Variants in TICRR observed in about 807,000 individuals in gnomAD.
TICRR encodes treslin.
TICRR carries 132 observed loss-of-function variants against 178.1 expected under a neutral mutation model. That is an observed-to-expected ratio of 0.74 (90% CI 0.64 to 0.86). The LOEUF is 0.86. TICRR is among the 40% of genes least tolerant of loss of function. The pLI is 0.00. For missense variants in TICRR, 2,587 were observed against 2,334.3 expected (o/e 1.11, Z -2.23); for synonymous variants, 991 against 900.7 (o/e 1.10, Z -1.79).
Position 89,624,500 on chromosome 15 carries a change from A to AGT in TICRR, c.4193_4194dup (p.Gln1399ValfsTer30), listed in dbSNP as rs1440759276. 1 of 1,614,120 alleles carries AGT rather than the reference A, an allele frequency of 6.2e-7. No homozygotes were observed. The highest frequency in any genetic ancestry group is 1.7e-5 in the Admixed American group (1 of 60,026). On this transcript the variant is annotated frameshift_variant, in exon 20 of 22. Transcript: ENST00000268138. LOFTEE classifies it high-confidence loss of function. ...TCTGATCCCAGAAGGAGCATCGTGG[A>AGT]GTGTCAGCCTGATGCCTCCGCTACT...
intron 3 of TICRR, among the ~76,000 whole-genome samples, chr15:89,585,496 A>G (rs1962805021): frequency 6.6e-6 from 1 of 152,152 alleles, no homozygotes; most frequent in African/African-American, 2.4e-5. Context: ...TATTCCTGGT[A>G]ATGTCAGGTT....
intron 9 of TICRR, 30 bp downstream of exon 9, chr15:89,600,715 TCACTC>T (rs756646372): frequency 9.0e-7 from 1 of 1,106,458 alleles, no homozygotes; most frequent in Admixed American, 2.1e-5. Context: ...TAAAAAATCA[TCACTC>T]TAAAAGCTGT....
At chr15:89,594,737 ATCTG>A (rs1249160430) in intron 6 of TICRR, among the ~76,000 whole-genome samples, 183 bp downstream of exon 6, 1 of 152,240 alleles carries the variant, frequency 6.6e-6, no homozygotes, top group East Asian at 1.9e-4. Flanking sequence ...AACCAGTCTT[ATCTG>A]TCTAATGAAT....
Position 89,625,409 on chromosome 15 carries a change from C to G in TICRR, c.5099C>G (p.Ser1700Cys). ...RAVGCGAGSS[S>C]GRGEVGADLP... The stretch of plus-strand genomic sequence containing the variant: ...GTGGGCTGTGGCGCCGGCTCCTCTT[C>G]CGGGAGGGGCGAGGTCGGTGCAGAC... Residue 1700 changes from serine to cysteine, a missense_variant, in exon 20 of 22, where the codon TCC becomes TGC. Transcript: ENST00000268138. The G allele has an allele frequency of 6.2e-7, 1 of 1,613,988 alleles. No homozygotes were observed. Among genetic ancestry groups the G allele is most frequent in the Non-Finnish European group, 8.5e-7 (1 of 1,179,996 alleles).
At chr15:89,586,932 C>CA (rs1344402445) in intron 4 of TICRR, among the ~76,000 whole-genome samples, 1 of 152,160 alleles carries the variant, frequency 6.6e-6, no homozygotes, top group African/African-American at 2.4e-5. Flanking sequence ...TCTGCAGTGA[C>CA]ACCATCTGAC....
intron 5 of TICRR, among the ~76,000 whole-genome samples, chr15:89,592,377 AC>A (rs1364807690): frequency 6.6e-6 from 1 of 152,162 alleles, no homozygotes; most frequent in Non-Finnish European, 1.5e-5. Flanking sequence ...ATAAATATAT[AC>A]CTGCCAAAAA....
Position 89,627,040 on chromosome 15 carries a change from C to G in TICRR, c.5687C>G (p.Thr1896Ser). 6.2e-7 allele frequency: 1 copy of G among 1,614,170 alleles called. No homozygotes were observed. Among genetic ancestry groups the G allele is most frequent in the South Asian group, 1.1e-5 (1 of 91,076 alleles). ...AFSRRRPISR[T>S]YTRKKLMGTW... ...TCCAGGAGGCGCCCCATCAGCAGAACTTATACACGGAAGAAGCTCATGGGA... is the reference window on the plus strand; with the variant it reads ...TCCAGGAGGCGCCCCATCAGCAGAAGTTATACACGGAAGAAGCTCATGGGA... The change falls in exon 22 of 22, where the codon ACT (threonine) becomes AGT (serine). Residue 1896 changes from threonine (T) to serine (S), a missense_variant. Thr to Ser is a moderately conservative substitution (Grantham distance 58, BLOSUM62 1). Coordinates refer to ENST00000268138, the MANE Select transcript of TICRR (RefSeq NM_152259.4).
At chr15:89,608,023 C>T (rs900464019) in intron 14 of TICRR, among the ~76,000 whole-genome samples, 4 of 152,096 alleles carry the variant, frequency 2.6e-5, no homozygotes, top group Non-Finnish European at 5.9e-5. Flanking sequence ...GAGCTGAATA[C>T]ACAGCAGCAA....
At chr15:89,610,572 C>T (rs1963241547) in intron 15 of TICRR, among the ~76,000 whole-genome samples, 1 of 152,144 alleles carries the variant, frequency 6.6e-6, no homozygotes, top group Admixed American at 6.5e-5. Context: ...CTTTTACTTT[C>T]AACCTTAGTG....
chr15:89,595,609 A>C lies in TICRR; in HGVS notation c.1898A>C (p.Lys633Thr). The change falls in exon 7 of 22, where the codon AAA (lysine) becomes ACA (threonine). Residue 633 changes from lysine (K) to threonine (T), a missense_variant and splice_region_variant. Coordinates refer to ENST00000268138, the MANE Select transcript of TICRR (RefSeq NM_152259.4). ...RGRTLRSSKP[K>T]DFKTEEELLS... ...AGAACACTAAGAAGTTCTAAACCTA[A>C]AGGTATTCCTCTTAGTCTATAATTT... The C allele has an allele frequency of 1.2e-6, 2 of 1,611,452 alleles. No individual in the cohort carries two copies. Among genetic ancestry groups the C allele is most frequent in the Admixed American group, 3.3e-5 (2 of 59,980 alleles).
rs757591715 is a variant in TICRR, at chr15:89,625,257, C to A, written c.4947C>A (p.Pro1649=). 1.2e-6 allele frequency: 2 copies of A among 1,613,080 alleles called. No homozygotes were observed. The highest frequency in any genetic ancestry group is 1.7e-6 in the Non-Finnish European group (2 of 1,179,128). Residue 1649 remains proline (P), a synonymous_variant, in exon 20 of 22, where the codon CCC becomes CCA. Transcript: ENST00000268138. The stretch of plus-strand genomic sequence containing the variant: ...CCTACATCTGCCAGGCCTGTACCCC[C>A]ACCCACGGCCCTTCTAGTACCCCCT... ...GQTYICQACT[P]THGPSSTPSP...
At position 89,575,872 on chromosome 15, in the gene TICRR, A is replaced by G. The variant is rs763446614; in HGVS notation, c.286A>G (p.Arg96Gly). 5 of 1,585,986 alleles carry G rather than the reference A, an allele frequency of 3.2e-6. No individual in the cohort carries two copies. The highest frequency in any genetic ancestry group is 1.8e-5 in the Admixed American group (1 of 56,612). Residue 96 changes from arginine to glycine, a missense_variant, in exon 1 of 22, where the codon AGG becomes GGG. By Grantham distance (125) the Arg-to-Gly change is moderately radical. Transcript: ENST00000268138. ...DRAHLPGPAP[R>G]ATHTHGALME... is the part of the protein sequence containing the mutation. Reference sequence around the variant, plus strand: ...CGCCCACCTGCCCGGCCCGGCGCCCAGGGCCACCCACACGCACGGCGCCCT... The same window carrying G: ...CGCCCACCTGCCCGGCCCGGCGCCCGGGGCCACCCACACGCACGGCGCCCT...
chr15:89,582,987 G>GTTT (rs76779258), intron 2 of TICRR, 22 bp downstream of exon 2: 5 of 1,229,104 alleles, frequency 4.1e-6, no homozygotes, highest in Admixed American at 2.5e-5. Context: ...ATATTTTAAG[G>GTTT]TTTTTTTTTT....
chr15:89,584,258 T>C (rs753601495), intron 2 of TICRR, 28 bp from the exon 3 acceptor site: 1 of 1,555,000 alleles, frequency 6.4e-7, no homozygotes, highest in Non-Finnish European at 8.7e-7. Context: ...TAATTTGGCA[T>C]CCTGGTCTAA....
intron 15 of TICRR, among the ~76,000 whole-genome samples, chr15:89,609,394 A>G (rs2141971205): frequency 6.6e-6 from 1 of 151,918 alleles, no homozygotes; most frequent in Non-Finnish European, 1.5e-5. Context: ...GATTATAGGC[A>G]TGAGCCACCA....
intron 7 of TICRR, 94 bp from the exon 8 acceptor site, chr15:89,599,230 G>A (rs1483389476): frequency 3.6e-6 from 3 of 833,890 alleles, no homozygotes; most frequent in Non-Finnish European, 5.0e-6. Flanking sequence ...TTCCCTGCAA[G>A]GAAATATTTT....
At chr15:89,597,801 A>G (rs1239292700) in intron 7 of TICRR, among the ~76,000 whole-genome samples, 2 of 152,226 alleles carry the variant, frequency 1.3e-5, no homozygotes, top group Non-Finnish European at 2.9e-5. Flanking sequence ...GGGATCACAT[A>G]GAATCTATAG....
rs1348542700 is a variant in TICRR at position 89,626,991 on chromosome 15, G to T, written c.5638G>T (p.Asp1880Tyr). 1 of 1,614,102 alleles carries T rather than the reference G, an allele frequency of 6.2e-7. No homozygotes were observed. Among genetic ancestry groups the T allele is most frequent in the East Asian group, 2.2e-5 (1 of 44,874 alleles). Residue 1880 changes from aspartate to tyrosine, a missense_variant, in exon 22 of 22, where the codon GAC becomes TAC. Physicochemically the swap from Asp to Tyr is radical, Grantham distance 160. Transcript: ENST00000268138. The stretch of plus-strand genomic sequence containing the variant: ...GGATGTTCTTCCCTCCACTGTAGAA[G>T]ACTCTCCTTTCAGTCGCGCTTTCTC... ...DVDVLPSTVE[D>Y]SPFSRAFSRR...
chr15:89,595,419 CAGA>C lies in TICRR; in HGVS notation c.1712_1714del (p.Lys571del). 1.2e-6 allele frequency: 2 copies of C among 1,613,980 alleles called. No individual in the cohort carries two copies. Among genetic ancestry groups the C allele is most frequent in the Non-Finnish European group, 1.7e-6 (2 of 1,179,978 alleles). ...AGGGGTCCCTCGTACTCCAGTGAGA[CAGA>C]AGATGAATACCATGTGCCGTTCCTT... is the stretch of plus-strand genomic sequence containing the variant. On this transcript the variant is annotated inframe_deletion, in exon 7 of 22. Transcript: ENST00000268138.
Sources: gnomAD v4.1 joint callset for allele counts (sites outside exome capture counted in the v4.1 genomes callset) on GRCh38, gnomAD v4.1.1 for gene constraint, MANE v1.5 for transcripts, NCBI Gene and HGNC (gene_info 2026-07-23, HGNC 2026-07-21) for gene names.